The following KANK1 variants were observed in gnomAD, a reference collection of about 807,000 sequenced individuals.
KANK1 encodes KN motif and ankyrin repeat domains 1.
Under a neutral mutation model 106.2 loss-of-function variants are expected in KANK1, and 109 were observed. The observed-to-expected ratio is 1.03, with a 90% confidence interval of 0.88 to 1.20. The LOEUF (loss-of-function observed/expected upper bound fraction) is 1.20. Among genes scored for constraint, KANK1 ranks in the 50% most tolerant of loss-of-function variants. KANK1 has a pLI of 0.00. For missense variants in KANK1, 2,399 were observed against 1,710.7 expected (o/e 1.40, Z -7.10); for synonymous variants, 873 against 652.2 (o/e 1.34, Z -5.16).
At chr9:735,174 T>C (rs973063625) in intron 7 of KANK1, among the ~76,000 whole-genome samples, 4 of 152,204 alleles carry the variant, frequency 2.6e-5, no homozygotes, top group African/African-American at 9.6e-5. Context: ...AACAGTAAGA[T>C]CCAGGGAGCA....
At position 711,786 on chromosome 9, in the gene KANK1, A is replaced by T; in HGVS notation, c.1020A>T (p.Arg340Ser). 1 of 1,614,164 alleles carries T rather than the reference A, an allele frequency of 6.2e-7. No homozygotes were observed. Among genetic ancestry groups the T allele is most frequent in the Non-Finnish European group, 8.5e-7 (1 of 1,180,004 alleles). Residue 340 changes from arginine (R) to serine (S), a missense_variant, in exon 3 of 12, where the codon AGA becomes AGT. Coordinates refer to ENST00000382297, the MANE Select transcript of KANK1 (RefSeq NM_015158.5). ...TGGAACAGCTCTCCCGGGCCCGAAGAAGTGGCGGGGAATTATACATTGACT... is the reference window on the plus strand; with the variant it reads ...TGGAACAGCTCTCCCGGGCCCGAAGTAGTGGCGGGGAATTATACATTGACT... ...SQLEQLSRAR[R>S]SGGELYIDYE...
intron 1 of KANK1, among the ~76,000 whole-genome samples, chr9:527,869 C>T (rs1243219656): frequency 6.7e-6 from 1 of 149,648 alleles, no homozygotes; most frequent in African/African-American, 2.5e-5. Context: ...TTTTTAGGGG[C>T]GGGGCGCGAT....
At chr9:614,958 CT>C (rs202150929) in intron 1 of KANK1, among the ~76,000 whole-genome samples, 1,821 of 151,978 alleles carry the variant, frequency 0.012, 25 homozygotes, top group African/African-American at 0.021. Flanking sequence ...CATCCCCCCC[CT>C]GCCCTTTTTT....
chr9:724,600 G>A (rs1420979322), intron 3 of KANK1, among the ~76,000 whole-genome samples: 4 of 152,072 alleles, frequency 2.6e-5, no homozygotes, highest in African/African-American at 4.8e-5. Context: ...TCAGGAGTTC[G>A]TGACCAGCCT....
intron 1 of KANK1, among the ~76,000 whole-genome samples, chr9:537,814 G>A (rs1361770680): frequency 6.6e-6 from 1 of 152,206 alleles, no homozygotes; most frequent in Non-Finnish European, 1.5e-5. Flanking sequence ...CCACAACAAA[G>A]AGTTATAGAA....
intron 2 of KANK1, among the ~76,000 whole-genome samples, chr9:699,114 G>A (rs1279954517): frequency 2.6e-5 from 4 of 152,158 alleles, no homozygotes; most frequent in Non-Finnish European, 4.4e-5. Context: ...ACACTGCCCG[G>A]TGGACTCCTT....
intron 1 of KANK1, among the ~76,000 whole-genome samples, chr9:537,701 C>G (rs2060376714): frequency 6.6e-6 from 1 of 152,152 alleles, no homozygotes; most frequent in Admixed American, 6.5e-5. Flanking sequence ...TTTTGCCCCC[C>G]AGGGGCATTT....
At chr9:634,981 G>C (rs116861511) in intron 1 of KANK1, among the ~76,000 whole-genome samples, 5,598 of 152,242 alleles carry the variant, frequency 0.037, 137 homozygotes, top group Non-Finnish European at 0.058. Context: ...TGTGGCTCTT[G>C]TAGGAGTAAG....
At chr9:744,731 C>T (rs549589672) in intron 11 of KANK1, 142 bp downstream of exon 11, 190 of 1,541,838 alleles carry the variant, frequency 1.2e-4, no homozygotes, top group Non-Finnish European at 1.6e-4. Context: ...AGAGTTCATC[C>T]TTTCCGCCTC....
chr9:608,010 AG>A lies in KANK1; in HGVS notation c.-83-68879del, dbSNP rs1193940475. Among the ~76,000 whole-genome samples, 12 of 130,098 alleles carry A rather than the reference AG, an allele frequency of 9.2e-5. 1 individual carries two copies. The highest frequency in any genetic ancestry group is 3.3e-4 in the African/African-American group (11 of 32,976). 85.3% of individuals were successfully genotyped at this position (130,098 alleles called of 152,430 possible). A position where few individuals can be genotyped will look rare whatever the true frequency, so the allele number is the denominator to read the frequency against. Reference sequence around the variant, plus strand: ...TTGAAGGAAAGACTAAAAAACTTTCAGAATTATTATTATTATTATTATTATT... The same window carrying A: ...TTGAAGGAAAGACTAAAAAACTTTCAAATTATTATTATTATTATTATTATT... On this transcript the variant is annotated intron_variant, in intron 1 of 11. Coordinates refer to ENST00000382297, the MANE Select transcript of KANK1 (RefSeq NM_015158.5).
At chr9:640,630 C>G (rs1838205997) in intron 1 of KANK1, among the ~76,000 whole-genome samples, 1 of 151,896 alleles carries the variant, frequency 6.6e-6, no homozygotes, top group African/African-American at 2.4e-5. Flanking sequence ...CTCCTGATCT[C>G]AGGTGATCCA....
chr9:560,793 C>T (rs1215411126), intron 1 of KANK1, among the ~76,000 whole-genome samples: 1 of 147,184 alleles, frequency 6.8e-6, no homozygotes, highest in Non-Finnish European at 1.5e-5. Context: ...AAAAAAAAGG[C>T]TGCAAAAAGT....
At chr9:484,117 T>A (rs2058252293) in intron 3 of KANK1, among the ~76,000 whole-genome samples, 1 of 152,172 alleles carries the variant, frequency 6.6e-6, no homozygotes, top group Non-Finnish European at 1.5e-5. Flanking sequence ...TCTGCACTTG[T>A]GAGCTGAGGG....
rs3028166 is a variant in KANK1, at chr9:598,620, C to CTTTTTTTTTTTTTTT, written c.-83-78254_-83-78240dup. Among the ~76,000 whole-genome samples, 28 of 46,672 alleles carry CTTTTTTTTTTTTTTT rather than the reference C, an allele frequency of 6.0e-4. 3 individuals are homozygous for CTTTTTTTTTTTTTTT. The highest frequency in any genetic ancestry group is 8.6e-4 in the Non-Finnish European group (20 of 23,144). 30.6% of individuals were successfully genotyped at this position (46,672 alleles called of 152,430 possible). A position where few individuals can be genotyped will look rare whatever the true frequency, so the allele number is the denominator to read the frequency against. The stretch of plus-strand genomic sequence containing the variant: ...TTTTTTGTTTTGTTTTGTTGGTTTT[C>CTTTTTTTTTTTTTTT]TTTTTTTTTTTTTTTTTTTTTTTTT... On this transcript the variant is annotated intron_variant, in intron 1 of 11. Transcript: ENST00000382297.
chr9:690,320 A>G (rs1819616153), intron 2 of KANK1, among the ~76,000 whole-genome samples: 1 of 151,300 alleles, frequency 6.6e-6, no homozygotes. Flanking sequence ...AAAAGAAAAA[A>G]AAAAAAAAGG....
At chr9:583,700 C>G (rs1019434617) in intron 1 of KANK1, among the ~76,000 whole-genome samples, 1 of 149,808 alleles carries the variant, frequency 6.7e-6, no homozygotes, top group Admixed American at 6.7e-5. Flanking sequence ...ATATATAAAT[C>G]CATTATATAG....
At chr9:494,875 A>C (rs149474841) in intron 3 of KANK1, among the ~76,000 whole-genome samples, 2,290 of 152,350 alleles carry the variant, frequency 0.015, 38 homozygotes, top group Middle Eastern at 0.065. Context: ...TGAAAGTTAA[A>C]TAGATCAGCT....
intron 2 of KANK1, among the ~76,000 whole-genome samples, chr9:703,431 C>A (rs1349707235): frequency 6.6e-6 from 1 of 152,194 alleles, no homozygotes; most frequent in Middle Eastern, 3.4e-3. Context: ...GGACCATTTT[C>A]TGTAGCCAAT....
rs551687922 is a variant in KANK1 at position 476,384 on chromosome 9, G to GGT, written c.-362+3113_-362+3114dup. Reference sequence around the variant, plus strand: ...AAAAATACAAACATTAGCCGAGCATGGTGGGGTATGCCTGTAATCCCAGCT... The same window carrying GGT: ...AAAAATACAAACATTAGCCGAGCATGGTGTGGGGTATGCCTGTAATCCCAGCT... On this transcript the variant is annotated intron_variant, in intron 3 of 15. Transcript: ENST00000382303. 3.3e-5 allele frequency among the ~76,000 whole-genome samples: 5 copies of GGT among 152,142 alleles called. No individual in the cohort carries two copies. The South Asian group carries it at 1.0e-3, about 32-fold the overall frequency.
Sources: gnomAD v4.1 joint callset for allele counts (sites outside exome capture counted in the v4.1 genomes callset) on GRCh38, gnomAD v4.1.1 for gene constraint, MANE v1.5 for transcripts, NCBI Gene and HGNC (gene_info 2026-07-23, HGNC 2026-07-21) for gene names.